The following PRR14L variants were observed in gnomAD, a reference collection of about 807,000 sequenced individuals.
The protein encoded by PRR14L is proline rich 14 like, also known as protein PRR14L.
A neutral mutation model predicts 155.0 loss-of-function variants in PRR14L; 80 were observed. The observed-to-expected ratio is 0.52, with a 90% CI of 0.43 to 0.62. The LOEUF (loss-of-function observed/expected upper bound fraction) is 0.62. Ranked by LOEUF, PRR14L falls within the 20% of genes least tolerant of loss-of-function variation. The pLI is 0.00. For synonymous variants in PRR14L, 883 were observed against 916.0 expected (o/e 0.96, Z 0.65); for missense variants, 2,469 against 2,548.0 (o/e 0.97, Z 0.67).
intron 2 of PRR14L, among the ~76,000 whole-genome samples, chr22:31,736,403 A>G (rs1161773595): frequency 4.0e-5 from 6 of 151,478 alleles, no homozygotes; most frequent in Non-Finnish European, 8.8e-5. Context: ...AAAAAAAAAA[A>G]GGCATCACAG....
chr22:31,725,572 A>C lies in PRR14L; in HGVS notation c.513T>G (p.His171Gln). 1.3e-6 allele frequency: 2 copies of C among 1,551,316 alleles called. No individual in the cohort carries two copies. The highest frequency in any genetic ancestry group is 1.7e-6 in the Non-Finnish European group (2 of 1,146,638). The change falls in exon 3 of 9, where the codon CAT (histidine) becomes CAG (glutamine). Residue 171 changes from histidine to glutamine, a missense_variant. His to Gln is a conservative substitution (Grantham distance 24). This residue lies in a region of PRR14L where 2,363 missense variants were observed against 2,371.6 expected (regional missense o/e 1.00). Coordinates refer to ENST00000327423, the MANE Select transcript of PRR14L (RefSeq NM_173566.3). ...TTAGAAAATCTTCAGGGAGGTCCAC[A>C]TGTGAAAGTTCTTTGCTGGACTGCA... Reference protein sequence around the residue: ...LLMQSSKELSHVDLPEDFLRS... With the variant: ...LLMQSSKELSQVDLPEDFLRS...
chr22:31,741,156 G>A (rs2147877384), intron 1 of PRR14L, among the ~76,000 whole-genome samples: 1 of 151,598 alleles, frequency 6.6e-6, no homozygotes, highest in Non-Finnish European at 1.5e-5. Flanking sequence ...AGGAGGCTGA[G>A]GCAGGAGAAT....
Position 31,704,723 on chromosome 22 carries a change from G to A in PRR14L, c.5760C>T (p.His1920=). 2 of 1,613,704 alleles carry A rather than the reference G, an allele frequency of 1.2e-6. No individual in the cohort carries two copies. Among genetic ancestry groups the A allele is most frequent in the South Asian group, 1.1e-5 (1 of 91,068 alleles). ...GAAGAGGCACATATGGTAACATGGT[G>A]TGGCTAAAGTAAAGCAAAAGTACAA... ...RQPSLGTTSS[H]TMLPYVPLPG... Residue 1920 remains histidine (H), a synonymous_variant, in exon 5 of 9, where the codon CAC becomes CAT. Transcript: ENST00000327423.
chr22:31,713,851 C>A lies in PRR14L; in HGVS notation c.3988G>T (p.Asp1330Tyr). The A allele has an allele frequency of 6.4e-7, 1 of 1,552,278 alleles. No individual in the cohort carries two copies. The highest frequency in any genetic ancestry group is 1.2e-5 in the South Asian group (1 of 84,062). The change falls in exon 4 of 9, where the codon GAT (aspartate) becomes TAT (tyrosine). Residue 1330 changes from aspartate to tyrosine, a missense_variant. Asp to Tyr is a radical substitution (Grantham distance 160). This residue lies in a region of PRR14L where 2,363 missense variants were observed against 2,371.6 expected (regional missense o/e 1.00). Transcript: ENST00000327423. ...DRHLPLTVKT[D>Y]IKVKGEETEE... Reference sequence around the variant, plus strand: ...GTTTCTTCTCCTTTCACTTTAATATCTGTTTTCACTGTCAAAGGCAAATGT... The same window carrying A: ...GTTTCTTCTCCTTTCACTTTAATATATGTTTTCACTGTCAAAGGCAAATGT...
chr22:31,700,388 T>C (rs1394090016), intron 7 of PRR14L, among the ~76,000 whole-genome samples: 2 of 152,142 alleles, frequency 1.3e-5, no homozygotes, highest in Non-Finnish European at 2.9e-5. Context: ...TGAAAAGACA[T>C]ACAATAGATC....
chr22:31,704,169 T>C (rs2074577698), intron 5 of PRR14L, among the ~76,000 whole-genome samples: 1 of 152,228 alleles, frequency 6.6e-6, no homozygotes, highest in Non-Finnish European at 1.5e-5. Flanking sequence ...TCAACCTGCA[T>C]TCTAGTCACT....
chr22:31,738,672 C>CAATG lies in PRR14L; in HGVS notation c.185_188dup (p.Leu63PhefsTer16). 1 of 1,552,040 alleles carries CAATG rather than the reference C, an allele frequency of 6.4e-7. No homozygotes were observed. The highest frequency in any genetic ancestry group is 8.7e-7 in the Non-Finnish European group (1 of 1,147,066). On this transcript the variant is annotated frameshift_variant, in exon 2 of 9. Coordinates refer to ENST00000327423, the MANE Select transcript of PRR14L (RefSeq NM_173566.3). LOFTEE classifies it high-confidence loss of function. ...CATGAGTCCTCTGCAGCTCCAAGGG[C>CAATG]AATGCCCTATTCTGACTTAAAAGAG...
At chr22:31,734,287 T>G (rs2147873842) in intron 2 of PRR14L, among the ~76,000 whole-genome samples, 1 of 152,258 alleles carries the variant, frequency 6.6e-6, no homozygotes, top group Middle Eastern at 3.4e-3. Flanking sequence ...TTATCATTTT[T>G]CTATTGGGTT....
intron 2 of PRR14L, among the ~76,000 whole-genome samples, chr22:31,731,368 T>C (rs145239135): frequency 3.4e-4 from 52 of 151,908 alleles, no homozygotes; most frequent in African/African-American, 9.9e-4. Flanking sequence ...ATTGAGACCA[T>C]CCTGGCTAAC....
At chr22:31,721,233 C>T (rs1269555858) in intron 3 of PRR14L, among the ~76,000 whole-genome samples, 1 of 152,236 alleles carries the variant, frequency 6.6e-6, no homozygotes, top group East Asian at 1.9e-4. Flanking sequence ...CCCAGGTCCA[C>T]TTCTCATGTG....
chr22:31,745,853 A>AT (rs574613169), intron 1 of PRR14L, among the ~76,000 whole-genome samples: 6,826 of 145,522 alleles, frequency 0.047, 176 homozygotes, highest in Non-Finnish European at 0.069. Context: ...TAAAAAAAAA[A>AT]AAAAAAAAAT....
At chr22:31,685,901 A>G (rs2074479815) in intron 8 of PRR14L, 98 bp from the exon 9 acceptor site, 5 of 1,099,450 alleles carry the variant, frequency 4.5e-6, no homozygotes, top group Non-Finnish European at 6.5e-6. Flanking sequence ...CAACCCTTCT[A>G]GTCAACAGGG....
intron 2 of PRR14L, among the ~76,000 whole-genome samples, chr22:31,727,907 A>C (rs2074725302): frequency 6.6e-6 from 1 of 151,798 alleles, no homozygotes; most frequent in South Asian, 2.1e-4. Flanking sequence ...ACTTGAACCC[A>C]GGAGGAGGCT....
At chr22:31,688,265 TC>T (rs2074492410) in intron 7 of PRR14L, 38 bp from the exon 8 acceptor site, 3 of 1,525,672 alleles carry the variant, frequency 2.0e-6, no homozygotes, top group African/African-American at 2.8e-5. Flanking sequence ...TCAGGTTCTC[TC>T]TCTCTTTTTT....
intron 7 of PRR14L, among the ~76,000 whole-genome samples, chr22:31,690,135 T>G (rs1322108664): frequency 1.3e-5 from 2 of 152,218 alleles, no homozygotes; most frequent in Middle Eastern, 3.2e-3. Context: ...CAGACTGGTC[T>G]CGAACTCCTG....
intron 3 of PRR14L, among the ~76,000 whole-genome samples, chr22:31,720,465 G>A (rs1335139225): frequency 4.6e-5 from 7 of 152,158 alleles, no homozygotes; most frequent in Non-Finnish European, 1.0e-4. Flanking sequence ...GGGCGTGGTG[G>A]CTCACACCTG....
intron 2 of PRR14L, among the ~76,000 whole-genome samples, chr22:31,733,224 G>C (rs1418482180): frequency 6.6e-6 from 1 of 150,594 alleles, no homozygotes; most frequent in Non-Finnish European, 1.5e-5. Flanking sequence ...CCTGACCTCA[G>C]ACCTCAGGCA....
rs1398414618 is a variant in PRR14L, at chr22:31,717,003, G to A, written c.836C>T (p.Pro279Leu). 2 of 1,551,762 alleles carry A rather than the reference G, an allele frequency of 1.3e-6. No individual in the cohort carries two copies. Among genetic ancestry groups the A allele is most frequent in the South Asian group, 2.4e-5 (2 of 84,068 alleles). ...ACTGTTTCCTGGTAATGACAACCAA[G>A]GACAACTTTTTAATTCTTCACATTC... Reference protein sequence around the residue: ...EKECEELKSCPWLSLPGNSAI... With the variant: ...EKECEELKSCLWLSLPGNSAI... Residue 279 changes from proline (P) to leucine (L), a missense_variant, in exon 4 of 9, where the codon CCT (proline) becomes CTT (leucine). Around this residue, in one of 2 missense-constraint regions of PRR14L, gnomAD observed 2,363 missense variants for 2,371.6 expected, o/e 1.00. Transcript: ENST00000327423.
At chr22:31,702,337 C>G (rs1337846453) in intron 6 of PRR14L, among the ~76,000 whole-genome samples, 1 of 152,202 alleles carries the variant, frequency 6.6e-6, no homozygotes, top group Non-Finnish European at 1.5e-5. Context: ...ATTCTCCTGC[C>G]TCAGCCTCCT....
Sources: allele counts gnomAD v4.1 joint callset (sites outside exome capture counted in the v4.1 genomes callset), GRCh38; gene constraint gnomAD v4.1.1; regional missense constraint gnomAD v4.1.1; transcripts MANE v1.5; gene names NCBI Gene and HGNC (gene_info 2026-07-23, HGNC 2026-07-21).